RNF169: variants seen among roughly 807,000 people sequenced by gnomAD.
RNF169 encodes ring finger protein 169.
RNF169 carries 24 observed loss-of-function variants against 53.9 expected under a neutral mutation model. The ratio of observed to expected loss-of-function variants is 0.45; its 90% CI spans 0.32 to 0.63. The LOEUF (loss-of-function observed/expected upper bound fraction) is 0.63, where lower values mean the gene tolerates loss of function less well. RNF169 is among the 20% of genes least tolerant of loss of function. RNF169 has a pLI of 0.04. For synonymous variants in RNF169, 396 were observed against 363.5 expected, an observed-to-expected ratio of 1.09 and a Z score of -1.02; for missense variants, 883 against 906.2, an observed-to-expected ratio of 0.97 and a Z score of 0.33.
chr11:74,840,703 G>A lies in RNF169; in HGVS notation c.*3973G>A, dbSNP rs184614111. On this transcript the variant is annotated 3_prime_UTR_variant, in exon 6 of 6. Coordinates refer to ENST00000299563, the MANE Select transcript of RNF169 (RefSeq NM_001098638.2). ...AGGAGAGTGAGAAAAGAGAACAAAG[G>A]CTGGGTCACAGTCATAGAATGTTAC... is the stretch of plus-strand genomic sequence containing the variant. 2 of 152,144 alleles carry A rather than the reference G, an allele frequency of 1.3e-5. No individual in the cohort carries two copies. The highest frequency in any genetic ancestry group is 3.9e-4 in the East Asian group (2 of 5,186). 9.4% of individuals were successfully genotyped at this position (152,144 alleles called of 1,614,324 possible).
At chr11:74,783,647 C>T (rs1403880594) in intron 1 of RNF169, among the ~76,000 whole-genome samples, 1 of 152,126 alleles carries the variant, frequency 6.6e-6, no homozygotes, top group Admixed American at 6.5e-5. Flanking sequence ...ACTAACTCCT[C>T]TGGACTGAGG....
chr11:74,753,528 T>C (rs2034934247), intron 1 of RNF169, among the ~76,000 whole-genome samples: 1 of 152,216 alleles, frequency 6.6e-6, no homozygotes, highest in African/African-American at 2.4e-5. Context: ...AATTATGGTT[T>C]TTGCCATAAC....
intron 4 of RNF169, among the ~76,000 whole-genome samples, chr11:74,825,358 AAAG>A (rs1397119282): frequency 3.9e-5 from 6 of 152,254 alleles, no homozygotes; most frequent in African/African-American, 7.2e-5. Context: ...CCAGTGAGCC[AAAG>A]AAGAAGTCAC....
In RNF169 at chr11:74,839,438, T is replaced by A. The variant is rs987460619; in HGVS notation, c.*2708T>A. 1.3e-5 allele frequency: 2 copies of A among 152,186 alleles called. No homozygotes were observed. The highest frequency in any genetic ancestry group is 4.8e-5 in the African/African-American group (2 of 41,436). 9.4% of individuals were successfully genotyped at this position (152,186 alleles called of 1,614,324 possible). On this transcript the variant is annotated 3_prime_UTR_variant, in exon 6 of 6. Coordinates refer to ENST00000299563, the MANE Select transcript of RNF169 (RefSeq NM_001098638.2). The stretch of plus-strand genomic sequence containing the variant: ...GATTCTGAAGTTGGTTAAAAGTCGA[T>A]ATGTTGATGTGTATTATTTGGGGGA...
In RNF169 at chr11:74,749,319, G is replaced by C. The variant is rs1361612256; in HGVS notation, c.439G>C (p.Gly147Arg). 1.0e-5 allele frequency: 12 copies of C among 1,194,842 alleles called. No individual in the cohort carries two copies. The highest frequency in any genetic ancestry group is 1.2e-5 in the Non-Finnish European group (12 of 965,294). 74.0% of individuals were successfully genotyped at this position (1,194,842 alleles called of 1,614,324 possible). The change falls in exon 1 of 6, where the codon GGG (glycine) becomes CGG (arginine). Residue 147 changes from glycine (G) to arginine (R), a missense_variant. Coordinates refer to ENST00000299563, the MANE Select transcript of RNF169 (RefSeq NM_001098638.2). ...QPERCRPRRD[G>R]GAAAAGPRPE... is the part of the protein sequence containing the mutation. Reference sequence around the variant, plus strand: ...CGAGCGCTGCCGCCCGCGCCGGGACGGGGGCGCGGCTGCCGCGGGGCCCAG... The same window carrying C: ...CGAGCGCTGCCGCCCGCGCCGGGACCGGGGCGCGGCTGCCGCGGGGCCCAG...
Position 74,838,572 on chromosome 11 carries a change from T to C in RNF169, c.*1842T>C, listed in dbSNP as rs1035822260. 6.6e-6 allele frequency: 1 copy of C among 152,226 alleles called. No individual in the cohort carries two copies. Among genetic ancestry groups the C allele is most frequent in the African/African-American group, 2.4e-5 (1 of 41,454 alleles). The allele number at this position is 152,226 out of a possible 1,614,324, so 9.4% of individuals were successfully genotyped here. On this transcript the variant is annotated 3_prime_UTR_variant, in exon 6 of 6. Transcript: ENST00000299563. ...AGGTGGAATCTCTTTGGTGACTACG[T>C]TGGTGGGGAACATCACTCACCTGAA...
intron 1 of RNF169, among the ~76,000 whole-genome samples, chr11:74,774,624 A>T (rs997266125): frequency 6.6e-6 from 1 of 152,062 alleles, no homozygotes; most frequent in African/African-American, 2.4e-5. Context: ...GGACAAAGAA[A>T]AGGTCCTAAT....
chr11:74,748,870 C>A lies in RNF169; in HGVS notation c.-11C>A, dbSNP rs767567523. ...CCTCGCAACCGACTCTCCCTTCAAA[C>A]GGGAAACAAGATGGCGGCTGCAGGT... is the stretch of plus-strand genomic sequence containing the variant. On this transcript the variant is annotated 5_prime_UTR_variant, in exon 1 of 6. Transcript: ENST00000299563. 36 of 1,403,994 alleles carry A rather than the reference C, an allele frequency of 2.6e-5. No individual in the cohort carries two copies. Among genetic ancestry groups the A allele is most frequent in the African/African-American group, 4.5e-5 (3 of 66,456 alleles). 87.0% of individuals were successfully genotyped at this position (1,403,994 alleles called of 1,614,324 possible). A position where few individuals can be genotyped will look rare whatever the true frequency, so the allele number is the denominator to read the frequency against.
At chr11:74,821,982 A>T (rs1235130662) in intron 4 of RNF169, among the ~76,000 whole-genome samples, 1 of 152,130 alleles carries the variant, frequency 6.6e-6, no homozygotes, top group Non-Finnish European at 1.5e-5. Context: ...ACCAAGGTCT[A>T]AAGAAGCTTC....
chr11:74,821,689 A>T (rs1014751719), intron 4 of RNF169, among the ~76,000 whole-genome samples: 1 of 150,920 alleles, frequency 6.6e-6, no homozygotes, highest in Non-Finnish European at 1.5e-5. Context: ...AAAAGAATAC[A>T]AGTGCGGGTC....
chr11:74,766,640 GTA>G (rs1358814537), intron 1 of RNF169, among the ~76,000 whole-genome samples: 30 of 152,290 alleles, frequency 2.0e-4, no homozygotes, highest in Non-Finnish European at 3.4e-4. Context: ...TAGGGAGCAG[GTA>G]TTGATTAGGG....
intron 1 of RNF169, among the ~76,000 whole-genome samples, chr11:74,754,999 A>G (rs748435363): frequency 6.6e-5 from 10 of 152,190 alleles, no homozygotes; most frequent in East Asian, 1.9e-4. Flanking sequence ...TTGACAGACA[A>G]TGTTTGCTAT....
At chr11:74,762,153 A>G (rs1176469342) in intron 1 of RNF169, among the ~76,000 whole-genome samples, 5 of 150,262 alleles carry the variant, frequency 3.3e-5, no homozygotes, top group Non-Finnish European at 5.9e-5. Flanking sequence ...TTTCAGCTCC[A>G]TCAGCTCCTT....
At position 74,802,997 on chromosome 11, in the gene RNF169, C is replaced by T. The variant is rs544421975; in HGVS notation, c.577-7187C>T. 3.8e-3 allele frequency among the ~76,000 whole-genome samples: 583 copies of T among 151,910 alleles called. 3 individuals carry two copies. The highest frequency in any genetic ancestry group is 0.014 in the African/African-American group (563 of 41,376). On this transcript the variant is annotated intron_variant, in intron 2 of 5. Coordinates refer to ENST00000299563, the MANE Select transcript of RNF169 (RefSeq NM_001098638.2). Reference sequence around the variant, plus strand: ...GTGCATTGGGGCAATCTCGGCTCACCGCAAGCTCCGCCTCCCGGGTTCACA... The same window carrying T: ...GTGCATTGGGGCAATCTCGGCTCACTGCAAGCTCCGCCTCCCGGGTTCACA...
At chr11:74,811,709 C>A (rs1386295182) in intron 3 of RNF169, among the ~76,000 whole-genome samples, 1 of 152,100 alleles carries the variant, frequency 6.6e-6, no homozygotes. Context: ...AGGGTTTCAA[C>A]CTTCCAAAAG....
intron 4 of RNF169, among the ~76,000 whole-genome samples, chr11:74,819,872 ACCGTAG>A (rs781779597): frequency 6.6e-6 from 1 of 152,140 alleles, no homozygotes; most frequent in Non-Finnish European, 1.5e-5. Flanking sequence ...GTAGAAATTA[ACCGTAG>A]CTACATTGTT....
chr11:74,799,713 A>C (rs2035703916), intron 2 of RNF169, among the ~76,000 whole-genome samples: 1 of 152,120 alleles, frequency 6.6e-6, no homozygotes, highest in South Asian at 2.1e-4. Context: ...ATATGTAATG[A>C]GTGAAGCTTT....
At chr11:74,804,809 G>T (rs957363911) in intron 2 of RNF169, among the ~76,000 whole-genome samples, 1 of 152,118 alleles carries the variant, frequency 6.6e-6, no homozygotes, top group African/African-American at 2.4e-5. Flanking sequence ...TAAGAAATGT[G>T]TATCTAACAA....
chr11:74,785,484 G>A (rs2035487200), intron 1 of RNF169, among the ~76,000 whole-genome samples: 1 of 150,306 alleles, frequency 6.7e-6, no homozygotes, highest in African/African-American at 2.4e-5. Flanking sequence ...AGCATTTTTA[G>A]AGGGTACAGC....
Sources: gnomAD v4.1 joint callset for allele counts (sites outside exome capture counted in the v4.1 genomes callset) on GRCh38, gnomAD v4.1.1 for gene constraint, MANE v1.5 for transcripts, NCBI Gene and HGNC (gene_info 2026-07-23, HGNC 2026-07-21) for gene names.